TMTC3: variants seen among roughly 807,000 people sequenced by gnomAD.
TMTC3 encodes the protein transmembrane O-mannosyltransferase targeting cadherins 3.
In TMTC3, 52 loss-of-function variants were observed where a neutral mutation model predicts 92.2. The observed-to-expected ratio is 0.56, with a 90% CI of 0.45 to 0.71. The LOEUF (loss-of-function observed/expected upper bound fraction) is 0.71, where lower values mean the gene tolerates loss of function less well. Ranked by LOEUF, TMTC3 falls within the 30% of genes least tolerant of loss-of-function variation. The probability of loss-of-function intolerance (pLI) is 0.00; values close to 1 mark genes in which losing one functional copy is unlikely to be tolerated. For missense variants in TMTC3, 896 were observed against 1,057.1 expected, an observed-to-expected ratio of 0.85 and a Z score of 2.11; for synonymous variants, 339 against 363.3, an observed-to-expected ratio of 0.93 and a Z score of 0.76.
chr12:88,146,504 C>T (rs2040875621), intron 1 of TMTC3, among the ~76,000 whole-genome samples: 1 of 151,548 alleles, frequency 6.6e-6, no homozygotes, highest in African/African-American at 2.4e-5. Context: ...AAAAGCCATC[C>T]AGCCCTAATC....
intron 1 of TMTC3, among the ~76,000 whole-genome samples, chr12:88,147,305 AAC>A (rs2040887934): frequency 6.6e-6 from 1 of 152,110 alleles, no homozygotes. Flanking sequence ...TTAACCAAAC[AAC>A]AGTTTGTCAC....
intron 4 of TMTC3, among the ~76,000 whole-genome samples, chr12:88,156,555 T>C (rs147052677): frequency 1.3e-5 from 2 of 152,300 alleles, no homozygotes; most frequent in East Asian, 3.9e-4. Context: ...AAAAAATATC[T>C]ACCTCTTACC....
chr12:88,169,937 GA>G (rs11305978), intron 7 of TMTC3, among the ~76,000 whole-genome samples: 137,842 of 142,480 alleles, frequency 0.97, 66,771 homozygotes, highest in Middle Eastern at 1. Context: ...GACCCTGTCA[GA>G]AAAAAAAAAA....
In TMTC3 at chr12:88,142,400, G is replaced by T. The variant is rs370505894; in HGVS notation, c.-116G>T. 1 of 152,540 alleles carries T rather than the reference G, an allele frequency of 6.6e-6. No individual in the cohort carries two copies. Among genetic ancestry groups the T allele is most frequent in the Non-Finnish European group, 1.5e-5 (1 of 68,320 alleles). 9.4% of individuals were successfully genotyped at this position (152,540 alleles called of 1,614,324 possible). On this transcript the variant is annotated 5_prime_UTR_variant, in exon 1 of 14. Transcript: ENST00000266712. ...GCAAACTGGTGGCCTGAACGAGGTA[G>T]ACCATGACTGTGGTTTCAGTGGCGT...
Position 88,197,299 on chromosome 12 carries a change from A to AAGC in TMTC3, c.*1652_*1654dup, listed in dbSNP as rs2041525852. The AAGC allele has an allele frequency of 1.4e-5, 2 of 146,272 alleles. No homozygotes were observed. The highest frequency in any genetic ancestry group is 5.1e-5 in the African/African-American group (2 of 39,242). 9.1% of individuals were successfully genotyped at this position (146,272 alleles called of 1,614,324 possible). ...TTTTTTTTTTTAGGTAGTTTAAAGC[A>AAGC]AGCACTGATACCAGTGGGAGTTGGT... On this transcript the variant is annotated 3_prime_UTR_variant, in exon 14 of 14. Transcript: ENST00000266712.
At chr12:88,146,636 T>C (rs2040879342) in intron 1 of TMTC3, among the ~76,000 whole-genome samples, 1 of 149,740 alleles carries the variant, frequency 6.7e-6, no homozygotes, top group African/African-American at 2.4e-5. Context: ...CATATATATG[T>C]ATATATATGT....
rs2138367498 is a variant in TMTC3 at position 88,153,417 on chromosome 12, A to G, written c.316A>G (p.Ile106Val). ...GATTTTTCATGCTGTGGTTAGTGTG[A>G]TATTTCTCAAAGTATGCAAACTTTT... ...NMIFHAVVSV[I>V]FLKVCKLFLD... is the part of the protein sequence containing the mutation. The change falls in exon 3 of 14, where the codon ATA (isoleucine) becomes GTA (valine). Residue 106 changes from isoleucine to valine, a missense_variant. Physicochemically the swap from Ile to Val is conservative, Grantham distance 29. Transcript: ENST00000266712. 4 of 1,613,646 alleles carry G rather than the reference A, an allele frequency of 2.5e-6. No individual in the cohort carries two copies. Among genetic ancestry groups the G allele is most frequent in the South Asian group, 2.2e-5 (2 of 91,070 alleles).
chr12:88,175,174 G>T (rs980854457), intron 9 of TMTC3, among the ~76,000 whole-genome samples: 1 of 149,458 alleles, frequency 6.7e-6, no homozygotes, highest in African/African-American at 2.5e-5. Flanking sequence ...AAAATGTACA[G>T]CGAAAAAAAA....
chr12:88,154,376 A>G lies in TMTC3; in HGVS notation c.497A>G (p.Asp166Gly). 1 of 1,596,466 alleles carries G rather than the reference A, an allele frequency of 6.3e-7. No individual in the cohort carries two copies. Among genetic ancestry groups the G allele is most frequent in the Non-Finnish European group, 8.5e-7 (1 of 1,174,906 alleles). ...TCATATACCAGATCAAAAGGACCAG[A>G]CAATTCCATAAGTACATGTCTCACA... ...FLSYTRSKGP[D>G]NSIIWTPIAL... Residue 166 changes from aspartate to glycine, a missense_variant, in exon 4 of 14, where the codon GAC (aspartate) becomes GGC (glycine). By Grantham distance (94) the Asp-to-Gly change is moderately conservative (BLOSUM62 -1). Transcript: ENST00000266712.
chr12:88,150,590 A>G (rs1331996064), intron 2 of TMTC3, among the ~76,000 whole-genome samples: 6 of 152,120 alleles, frequency 3.9e-5, no homozygotes, highest in Non-Finnish European at 7.4e-5. Context: ...CTAGAATAAC[A>G]GTTTATTAAG....
rs1051750792 is a variant in TMTC3, at chr12:88,198,567, T to C, written c.*2918T>C. 1 of 395,026 alleles carries C rather than the reference T, an allele frequency of 2.5e-6. No individual in the cohort carries two copies. Among genetic ancestry groups the C allele is most frequent in the Admixed American group, 4.4e-5 (1 of 22,648 alleles). 24.5% of individuals were successfully genotyped at this position (395,026 alleles called of 1,614,324 possible). ...TGAGTAGTTTTCTGAAATTGGTAAC[T>C]TGGAGAGTAAAATAACGTATTTTGC... On this transcript the variant is annotated 3_prime_UTR_variant, in exon 14 of 14. Coordinates refer to ENST00000266712, the MANE Select transcript of TMTC3 (RefSeq NM_181783.4).
intron 4 of TMTC3, among the ~76,000 whole-genome samples, chr12:88,159,629 C>T (rs1291530680): frequency 1.3e-5 from 2 of 151,218 alleles, no homozygotes; most frequent in Non-Finnish European, 2.9e-5. Context: ...ACTGTACTTA[C>T]TCCAGCCTGA....
intron 2 of TMTC3, among the ~76,000 whole-genome samples, chr12:88,148,814 G>A (rs12307250): frequency 0.069 from 10,516 of 151,708 alleles, 1,241 homozygotes; most frequent in African/African-American, 0.24. Flanking sequence ...TTATGCTGAT[G>A]TTTGGGGTAC....
chr12:88,174,541 T>G (rs765994032), intron 8 of TMTC3, 66 bp from the exon 9 acceptor site: 111 of 1,539,854 alleles, frequency 7.2e-5, no homozygotes, highest in Non-Finnish European at 9.3e-5. Context: ...ACCTCTGTTC[T>G]AAAAGGTAAA....
chr12:88,145,986 C>A (rs904510918), intron 1 of TMTC3, among the ~76,000 whole-genome samples: 1 of 152,130 alleles, frequency 6.6e-6, no homozygotes, highest in Non-Finnish European at 1.5e-5. Context: ...TCAGTCATCC[C>A]ATCCACTTAA....
In TMTC3 at chr12:88,199,191, A is replaced by G. The variant is rs1400122382; in HGVS notation, c.*3542A>G. 2.0e-5 allele frequency: 3 copies of G among 152,018 alleles called. No individual in the cohort carries two copies. The highest frequency in any genetic ancestry group is 4.4e-5 in the Non-Finnish European group (3 of 67,960). 9.4% of individuals were successfully genotyped at this position (152,018 alleles called of 1,614,324 possible). A position where few individuals can be genotyped will look rare whatever the true frequency, so the allele number is the denominator to read the frequency against. On this transcript the variant is annotated 3_prime_UTR_variant, in exon 14 of 14. Transcript: ENST00000266712. ...CAAACATGAGGAGTGACAACCACCA[A>G]ATTAAGAAAAGGAAACAACTCAGAC... is the stretch of plus-strand genomic sequence containing the variant.
At chr12:88,175,670 G>A (rs1233095121) in intron 9 of TMTC3, among the ~76,000 whole-genome samples, 1 of 152,198 alleles carries the variant, frequency 6.6e-6, no homozygotes, top group African/African-American at 2.4e-5. Context: ...TCCCAGGACA[G>A]TGGTTGGAAC....
chr12:88,165,256 G>C (rs2041131188), intron 6 of TMTC3, among the ~76,000 whole-genome samples: 1 of 151,884 alleles, frequency 6.6e-6, no homozygotes, highest in East Asian at 1.9e-4. Context: ...GATTTATTTT[G>C]ACATTAACTC....
Position 88,195,431 on chromosome 12 carries a change from A to G in TMTC3, c.2527A>G (p.Thr843Ala), listed in dbSNP as rs964112138. 6.2e-6 allele frequency: 10 copies of G among 1,613,372 alleles called. No homozygotes were observed. The highest frequency in any genetic ancestry group is 5.3e-5 in the African/African-American group (4 of 74,890). The change falls in exon 14 of 14, where the codon ACT becomes GCT. Residue 843 changes from threonine to alanine, a missense_variant. By Grantham distance (58) the Thr-to-Ala change is moderately conservative. Transcript: ENST00000266712. The stretch of plus-strand genomic sequence containing the variant: ...AAGTGTGGAAGGAAAGAAAATTCCA[A>G]CTGAAAGTGTAAAAGAAATTAGAGG... ...ISSVEGKKIP[T>A]ESVKEIRGES...
Sources: allele counts gnomAD v4.1 joint callset (sites outside exome capture counted in the v4.1 genomes callset), GRCh38; gene constraint gnomAD v4.1.1; transcripts MANE v1.5; gene names NCBI Gene and HGNC (gene_info 2026-07-23, HGNC 2026-07-21).